LPA: variants seen among roughly 807,000 people sequenced by gnomAD.
LPA encodes apolipoprotein(a).
Under a neutral mutation model 197.9 loss-of-function variants are expected in LPA, and 199 were observed. That is an observed-to-expected ratio of 1.01 (90% confidence interval 0.90 to 1.13). The LOEUF (loss-of-function observed/expected upper bound fraction) is 1.13, where lower values mean the gene tolerates loss of function less well. LPA is among the 50% of genes most tolerant of loss of function. The pLI, the probability that LPA is intolerant of heterozygous loss-of-function variation, is 0.00. For synonymous variants in LPA, 715 were observed against 639.5 expected (o/e 1.12, Z -1.78); for missense variants, 1,853 against 1,785.8 (o/e 1.04, Z -0.68).
rs541210545 is a variant in LPA at position 160,556,000 on chromosome 6, C to T, written c.4973+25G>A. The T allele has an allele frequency of 9.0e-4, 1,400 of 1,561,980 alleles. 18 individuals carry two copies. The South Asian group carries it at 0.015, about 17-fold the overall frequency. On this transcript the variant is annotated intron_variant, in intron 30 of 38. Coordinates refer to ENST00000316300, the MANE Select transcript of LPA (RefSeq NM_005577.4). Reference sequence around the variant, plus strand: ...GGAACTTAAGTTGGCTGTTGCTCCTCTTACAAGTAACATCAAAGACATACT... The same window carrying T: ...GGAACTTAAGTTGGCTGTTGCTCCTTTTACAAGTAACATCAAAGACATACT...
At chr6:160,581,612 T>C (rs1778803357) in intron 26 of LPA, among the ~76,000 whole-genome samples, 1 of 152,198 alleles carries the variant, frequency 6.6e-6, no homozygotes, top group Non-Finnish European at 1.5e-5. Context: ...CATGTCTTGA[T>C]TACTGTGTCT....
In LPA at chr6:160,595,418, T is replaced by C. The variant is rs752815249; in HGVS notation, c.3405A>G (p.Glu1135=). ...CCGTGAGAGTTGCAAGGACACTTGATTCTGTCACCAGGCATTGTGTCAGGT... is the reference window on the plus strand; with the variant it reads ...CCGTGAGAGTTGCAAGGACACTTGACTCTGTCACCAGGCATTGTGTCAGGT... ...YCNLTQCLVT[E]SSVLATLTVV... The change falls in exon 21 of 39, where the codon GAA becomes GAG. Residue 1135 remains glutamate, a synonymous_variant. Transcript: ENST00000316300. 2 of 1,613,874 alleles carry C rather than the reference T, an allele frequency of 1.2e-6. No homozygotes were observed. The highest frequency in any genetic ancestry group is 3.3e-5 in the Admixed American group (2 of 60,008).
intron 33 of LPA, among the ~76,000 whole-genome samples, chr6:160,544,980 T>C (rs1440857361): frequency 1.3e-5 from 2 of 152,168 alleles, no homozygotes; most frequent in East Asian, 3.9e-4. Context: ...CTACCCTTCA[T>C]TGATTTCCTA....
At chr6:160,532,325 T>C (rs1268191339) in intron 38 of LPA, among the ~76,000 whole-genome samples, 1 of 152,128 alleles carries the variant, frequency 6.6e-6, no homozygotes, top group Non-Finnish European at 1.5e-5. Context: ...TCCCTTGCTA[T>C]GGATCTGGAA....
At chr6:160,579,282 T>C (rs949625711) in intron 26 of LPA, among the ~76,000 whole-genome samples, 2 of 152,182 alleles carry the variant, frequency 1.3e-5, no homozygotes, top group African/African-American at 4.8e-5. Context: ...AAAATAGTAT[T>C]ACTATAAATA....
chr6:160,606,656 C>A lies in LPA; in HGVS notation c.2606G>T (p.Gly869Val), dbSNP rs1562342115. The stretch of plus-strand genomic sequence containing the variant: ...ATTCCTGCAGTAGTTCATGATCAAG[C>A]CACTGGAAATTCCAAAACGATACAC... ...SRTPEYYPNA[G>V]LIMNYCRNPD... Residue 869 changes from glycine (G) to valine (V), a missense_variant and splice_region_variant, in exon 17 of 39, where the codon GGC (glycine) becomes GTC (valine). Physicochemically the swap from Gly to Val is moderately radical, Grantham distance 109. Around this residue, in one of 3 missense-constraint regions of LPA, gnomAD observed 1,737 missense variants for 1,504.4 expected, o/e 1.15. Coordinates refer to ENST00000316300, the MANE Select transcript of LPA (RefSeq NM_005577.4). 1 of 1,613,836 alleles carries A rather than the reference C, an allele frequency of 6.2e-7. No homozygotes were observed. The highest frequency in any genetic ancestry group is 8.5e-7 in the Non-Finnish European group (1 of 1,179,926).
chr6:160,564,991 G>C (rs1778426003), intron 28 of LPA, among the ~76,000 whole-genome samples: 1 of 152,208 alleles, frequency 6.6e-6, no homozygotes, highest in Non-Finnish European at 1.5e-5. Context: ...GTCTGCCATT[G>C]CTGAGACTTG....
rs371996260 is a variant in LPA at position 160,647,491 on chromosome 6, A to T, written c.210-1096T>A. On this transcript the variant is annotated intron_variant, in intron 2 of 38. Coordinates refer to ENST00000316300, the MANE Select transcript of LPA (RefSeq NM_005577.4). ...GCCTAGTCTCAGTCCCAGACCCTCC[A>T]TTCCAGGAAGCTCATTCAATGAGCA... Among the ~76,000 whole-genome samples the T allele has an allele frequency of 3.3e-5, 5 of 152,296 alleles. No individual in the cohort carries two copies. In the East Asian group the frequency reaches 5.8e-4, roughly 18 times the overall value.
chr6:160,593,833 G>A, intron 22 of LPA, 125 bp downstream of exon 22: 1 of 1,222,316 alleles, frequency 8.2e-7, no homozygotes. Context: ...AGAAGCCTGA[G>A]ACATTCTACC....
At chr6:160,600,384 A>T (rs1292961137) in intron 19 of LPA, among the ~76,000 whole-genome samples, 1 of 152,168 alleles carries the variant, frequency 6.6e-6, no homozygotes, top group Non-Finnish European at 1.5e-5. Flanking sequence ...GAACTGCACA[A>T]CCTGCCTCGG....
In LPA at chr6:160,600,348, GA is replaced by G. The variant is rs570662490; in HGVS notation, c.3127+568del. 3.9e-5 allele frequency among the ~76,000 whole-genome samples: 6 copies of G among 152,168 alleles called. No homozygotes were observed. In the South Asian group the frequency reaches 1.2e-3, roughly 32 times the overall value. Reference sequence around the variant, plus strand: ...CCATCAGAAAGAGGCAAAAGCACACGAAAAAATCACTCCCTTCAAAGCTAAG... The same window carrying G: ...CCATCAGAAAGAGGCAAAAGCACACGAAAAATCACTCCCTTCAAAGCTAAG... On this transcript the variant is annotated intron_variant, in intron 19 of 38. Coordinates refer to ENST00000316300, the MANE Select transcript of LPA (RefSeq NM_005577.4).
At position 160,602,885 on chromosome 6, in the gene LPA, T is replaced by C. The variant is rs558899644; in HGVS notation, c.2946-1787A>G. Among the ~76,000 whole-genome samples the C allele has an allele frequency of 1.1e-4, 17 of 152,332 alleles. 1 individual carries two copies. In the South Asian group the frequency reaches 2.9e-3, roughly 26 times the overall value. On this transcript the variant is annotated intron_variant, in intron 18 of 38. Transcript: ENST00000316300. ...GCATTAGCAATTTGTATCACTGTTC[T>C]TCTAGCAAGACACAGCTCTTTTTCC...
In LPA at chr6:160,593,981, C is replaced by T. The variant is rs1431523386; in HGVS notation, c.3606G>A (p.Arg1202=). 7 of 1,613,888 alleles carry T rather than the reference C, an allele frequency of 4.3e-6. No individual in the cohort carries two copies. Among genetic ancestry groups the T allele is most frequent in the East Asian group, 2.2e-5 (1 of 44,858 alleles). Residue 1202 remains arginine, a synonymous_variant, in exon 22 of 39, where the codon AGG becomes AGA. Coordinates refer to ENST00000316300, the MANE Select transcript of LPA (RefSeq NM_005577.4). ...WSSMTPHWHQ[R]TTEYYPNGGL... Reference sequence around the variant, plus strand: ...ACCCATTTGGATAATATTCTGTTGTCCTCTGATGCCAGTGTGGTGTCATAG... The same window carrying T: ...ACCCATTTGGATAATATTCTGTTGTTCTCTGATGCCAGTGTGGTGTCATAG...
At chr6:160,663,238 C>T (rs920115981) in intron 1 of LPA, among the ~76,000 whole-genome samples, 1 of 152,206 alleles carries the variant, frequency 6.6e-6, no homozygotes, top group Non-Finnish European at 1.5e-5. Context: ...AACAATTAAC[C>T]TGCTCTTCAG....
At chr6:160,609,508 A>G (rs1779434841) in intron 16 of LPA, among the ~76,000 whole-genome samples, 1 of 151,984 alleles carries the variant, frequency 6.6e-6, no homozygotes, top group African/African-American at 2.4e-5. Context: ...TGATGTAGAG[A>G]AGTGCATCAT....
chr6:160,539,946 C>T (rs1405623625), intron 36 of LPA, 97 bp downstream of exon 36: 1 of 1,549,860 alleles, frequency 6.5e-7, no homozygotes, highest in African/African-American at 1.4e-5. Context: ...ATAGACAGTT[C>T]CTCCCCACTG....
chr6:160,583,851 G>T (rs535867022), intron 26 of LPA, among the ~76,000 whole-genome samples: 1 of 152,294 alleles, frequency 6.6e-6, no homozygotes, highest in Non-Finnish European at 1.5e-5. Flanking sequence ...TCTAGGAAGG[G>T]TAATTATGGG....
At chr6:160,659,285 G>C (rs1280151178) in intron 1 of LPA, among the ~76,000 whole-genome samples, 2 of 152,132 alleles carry the variant, frequency 1.3e-5, no homozygotes, top group African/African-American at 4.8e-5. Flanking sequence ...GGGTGGCTGG[G>C]GCACACTGGG....
intron 26 of LPA, among the ~76,000 whole-genome samples, chr6:160,582,205 A>G (rs1397497197): frequency 6.6e-6 from 1 of 150,376 alleles, no homozygotes; most frequent in Non-Finnish European, 1.5e-5. Flanking sequence ...ATTGTTTCTG[A>G]CTTGATCTTT....
Sources: allele counts gnomAD v4.1 joint callset (sites outside exome capture counted in the v4.1 genomes callset), GRCh38; gene constraint gnomAD v4.1.1; regional missense constraint gnomAD v4.1.1; transcripts MANE v1.5; gene names NCBI Gene and HGNC (gene_info 2026-07-23, HGNC 2026-07-21).